The following HROB variants were observed in gnomAD, a reference collection of about 807,000 sequenced individuals.
The protein encoded by HROB is homologous recombination factor with OB-fold, also known as homologous recombination OB-fold protein.
Under a neutral mutation model 61.0 loss-of-function variants are expected in HROB, and 44 were observed. The ratio of observed to expected loss-of-function variants is 0.72; its 90% CI spans 0.57 to 0.93. The LOEUF is 0.93. Among genes scored for constraint, HROB ranks in the 40% least tolerant of loss-of-function variants. The probability of loss-of-function intolerance (pLI) is 0.00; values close to 1 mark genes in which losing one functional copy is unlikely to be tolerated. For missense variants in HROB, 716 were observed against 796.2 expected (o/e 0.90, Z 1.21); for synonymous variants, 301 against 310.4 (o/e 0.97, Z 0.32).
intron 1 of HROB, 102 bp downstream of exon 1, chr17:44,142,247 C>A: frequency 7.4e-7 from 1 of 1,347,792 alleles, no homozygotes; most frequent in South Asian, 1.6e-5. Context: ...GTTGCAGGAC[C>A]GGGGTCTGGG....
chr17:44,162,028 G>C lies in HROB; in HGVS notation c.*96G>C. On this transcript the variant is annotated 3_prime_UTR_variant, in exon 10 of 10. Coordinates refer to ENST00000585683, the MANE Select transcript of HROB (RefSeq NM_001171251.3). ...GGAGAAGAAGGCCAGCATGATTGGA[G>C]AGTGGACACAGCCGGGGGGCTTCTG... 7.1e-7 allele frequency: 1 copy of C among 1,399,710 alleles called. No individual in the cohort carries two copies. Among genetic ancestry groups the C allele is most frequent in the Admixed American group, 1.8e-5 (1 of 55,212 alleles). 86.7% of individuals were successfully genotyped at this position (1,399,710 alleles called of 1,614,324 possible). A position where few individuals can be genotyped will look rare whatever the true frequency, so the allele number is the denominator to read the frequency against.
chr17:44,151,390 T>G (rs1260716775), intron 4 of HROB, among the ~76,000 whole-genome samples: 1 of 152,218 alleles, frequency 6.6e-6, no homozygotes, highest in Non-Finnish European at 1.5e-5. Context: ...TTCTGAGAAC[T>G]GAGCTGGGAA....
At chr17:44,154,973 G>T in intron 7 of HROB, 35 bp downstream of exon 7, 1 of 1,597,558 alleles carries the variant, frequency 6.3e-7, no homozygotes, top group Non-Finnish European at 8.5e-7. Flanking sequence ...ACTGCCCCCC[G>T]GATAGAGCCC....
rs773942001 is a variant in HROB at position 44,148,914 on chromosome 17, C to G, written c.1111C>G (p.His371Asp). 3 of 1,614,148 alleles carry G rather than the reference C, an allele frequency of 1.9e-6. 1 individual carries two copies. In the South Asian group the frequency reaches 3.3e-5, roughly 18 times the overall value. Residue 371 changes from histidine (H) to aspartate (D), a missense_variant, in exon 3 of 10, where the codon CAC (histidine) becomes GAC (aspartate). By Grantham distance (81) the His-to-Asp change is moderately conservative. Transcript: ENST00000585683. ...GALQTPIVTNHLVQLVTAASR... is the reference protein window; with the variant it reads ...GALQTPIVTNDLVQLVTAASR... ...TCTGCAGACACCCATAGTCACCAAC[C>G]ACCTGGTGCAGCTAGTCACTGCTGC...
chr17:44,147,774 A>C (rs1220350471), intron 2 of HROB, 84 bp from the exon 3 acceptor site: 6 of 1,327,400 alleles, frequency 4.5e-6, no homozygotes, highest in Non-Finnish European at 6.2e-6. Context: ...ACACACAAAC[A>C]TACACGCCAT....
At chr17:44,144,454 T>G (rs1230751745) in intron 1 of HROB, among the ~76,000 whole-genome samples, 2 of 152,110 alleles carry the variant, frequency 1.3e-5, no homozygotes, top group Non-Finnish European at 2.9e-5. Flanking sequence ...TTTTGTATTT[T>G]AAGTAGAGAT....
rs960727503 is a variant in HROB, at chr17:44,142,064, G to GTC, written c.-78_-77dup. The GTC allele has an allele frequency of 2.6e-6, 4 of 1,513,814 alleles. No individual in the cohort carries two copies. In the African/African-American group the frequency reaches 4.2e-5, roughly 16 times the overall value. 93.8% of individuals were successfully genotyped at this position (1,513,814 alleles called of 1,614,324 possible). ...CTCGGAGTCCGAGACTTCCACCTGGGTCGTGTCCAAGGCCCCGGCGACTCC... is the reference window on the plus strand; with the variant it reads ...CTCGGAGTCCGAGACTTCCACCTGGGTCTCGTGTCCAAGGCCCCGGCGACTCC... On this transcript the variant is annotated 5_prime_UTR_variant, in exon 1 of 10. Coordinates refer to ENST00000585683, the MANE Select transcript of HROB (RefSeq NM_001171251.3).
chr17:44,160,062 T>C (rs367671020), intron 9 of HROB, among the ~76,000 whole-genome samples: 17 of 152,350 alleles, frequency 1.1e-4, no homozygotes, highest in Middle Eastern at 3.4e-3. Context: ...GACTGAGGTC[T>C]GCTAAGTAAC....
chr17:44,161,630 G>A (rs1012857584), intron 9 of HROB, among the ~76,000 whole-genome samples: 2 of 152,140 alleles, frequency 1.3e-5, no homozygotes, highest in Non-Finnish European at 2.9e-5. Flanking sequence ...CCTCTTCCTC[G>A]TCAGAATGGC....
chr17:44,149,130 A>G (rs1456321534), intron 3 of HROB, 103 bp downstream of exon 3: 1 of 1,201,528 alleles, frequency 8.3e-7, no homozygotes, highest in African/African-American at 1.5e-5. Context: ...GAAGGAAGGA[A>G]GGAAGTGCAG....
Position 44,147,972 on chromosome 17 carries a change from T to A in HROB, c.169T>A (p.Ser57Thr). 1 of 1,614,118 alleles carries A rather than the reference T, an allele frequency of 6.2e-7. No individual in the cohort carries two copies. The highest frequency in any genetic ancestry group is 8.5e-7 in the Non-Finnish European group (1 of 1,180,036). Residue 57 changes from serine to threonine, a missense_variant, in exon 3 of 10, where the codon TCC becomes ACC. Ser to Thr is a moderately conservative substitution (Grantham distance 58, BLOSUM62 1). Transcript: ENST00000585683. ...GCCACAGGAGACTGTGCAGGCACAG[T>A]CCTCCAGGCTGCTGCTGTTACACCC... is the stretch of plus-strand genomic sequence containing the variant. ...SRPQETVQAQ[S>T]SRLLLLHPTA...
In HROB at chr17:44,161,629, C is replaced by T. The variant is rs559065524; in HGVS notation, c.1880-242C>T. On this transcript the variant is annotated intron_variant, in intron 9 of 9. Coordinates refer to ENST00000585683, the MANE Select transcript of HROB (RefSeq NM_001171251.3). ...TGAGGCTCAGGGGAATCCTCTTCCT[C>T]GTCAGAATGGCCCAGGGATTACGCC... is the stretch of plus-strand genomic sequence containing the variant. 3.9e-5 allele frequency among the ~76,000 whole-genome samples: 6 copies of T among 152,286 alleles called. No individual in the cohort carries two copies. In the East Asian group the frequency reaches 5.8e-4, roughly 15 times the overall value.
In HROB at chr17:44,145,262, GTGT is replaced by G; in HGVS notation, c.54+12_54+14del. ...AGGAGTTTGAAGATGAGGTAGGGAA[GTGT>G]TGATGATCAGAGGTGGCAGACGAGG... On this transcript the variant is annotated intron_variant, in intron 2 of 9. Transcript: ENST00000585683. 1 of 1,613,688 alleles carries G rather than the reference GTGT, an allele frequency of 6.2e-7. No homozygotes were observed. The highest frequency in any genetic ancestry group is 8.5e-7 in the Non-Finnish European group (1 of 1,179,656).
chr17:44,148,332 G>T lies in HROB; in HGVS notation c.529G>T (p.Gly177Ter). Residue 177 changes from glycine to a stop codon, truncating the protein, a stop_gained, in exon 3 of 10, where the codon GGA (glycine) becomes TGA (stop). Transcript: ENST00000585683. LOFTEE classifies it high-confidence loss of function. ...GGAGCCTGGCATGGAGCTGGAATGT[G>T]GAGTCAGCAGTGAGGCCATACCAAT... is the stretch of plus-strand genomic sequence containing the variant. Reference protein sequence around the residue: ...LEEPGMELECGVSSEAIPILP... With the variant: ...LEEPGMELEC The T allele has an allele frequency of 6.2e-7, 1 of 1,614,152 alleles. No individual in the cohort carries two copies. The highest frequency in any genetic ancestry group is 8.5e-7 in the Non-Finnish European group (1 of 1,180,026).
chr17:44,146,346 G>T (rs1199390533), intron 2 of HROB, among the ~76,000 whole-genome samples: 1 of 152,282 alleles, frequency 6.6e-6, no homozygotes, highest in African/African-American at 2.4e-5. Context: ...CAGTGGGCCC[G>T]TCCTGATTTT....
chr17:44,161,061 G>A (rs2054123275), intron 9 of HROB, among the ~76,000 whole-genome samples: 1 of 152,118 alleles, frequency 6.6e-6, no homozygotes, highest in African/African-American at 2.4e-5. Context: ...AATTAGCCAG[G>A]CGTGGTGGTG....
chr17:44,149,152 A>G (rs2053719457), intron 3 of HROB, 125 bp downstream of exon 3: 1 of 1,011,628 alleles, frequency 9.9e-7, no homozygotes, highest in Admixed American at 2.9e-5. Flanking sequence ...GAGGCTTTTC[A>G]AAGCTGCAGG....
At chr17:44,151,189 TG>T in intron 4 of HROB, 145 bp downstream of exon 4, 1 of 851,872 alleles carries the variant, frequency 1.2e-6, no homozygotes. Flanking sequence ...GGCAGGTAGT[TG>T]GGGGAGGCAG....
chr17:44,156,661 A>AT lies in HROB; in HGVS notation c.1771-1169dup, dbSNP rs1330661285. On this transcript the variant is annotated intron_variant, in intron 8 of 9. Coordinates refer to ENST00000585683, the MANE Select transcript of HROB (RefSeq NM_001171251.3). The stretch of plus-strand genomic sequence containing the variant: ...CATGGTTAACCATTTAATTACCGGT[A>AT]TTTATTTATTTTTTTTTTTTGAAAT... Among the ~76,000 whole-genome samples, 50 of 141,808 alleles carry AT rather than the reference A, an allele frequency of 3.5e-4. 1 individual carries two copies. Among genetic ancestry groups the AT allele is most frequent in the Non-Finnish European group, 7.3e-4 (45 of 61,996 alleles). 93.0% of individuals were successfully genotyped at this position (141,808 alleles called of 152,430 possible).
Sources: gnomAD v4.1 joint callset for allele counts (sites outside exome capture counted in the v4.1 genomes callset) on GRCh38, gnomAD v4.1.1 for gene constraint, MANE v1.5 for transcripts, NCBI Gene and HGNC (gene_info 2026-07-23, HGNC 2026-07-21) for gene names.